Variants in INTS3 observed in about 807,000 individuals in gnomAD.
INTS3 encodes the protein SOSS complex subunit A.
A neutral mutation model predicts 146.3 loss-of-function variants in INTS3; 34 were observed. That is an observed-to-expected ratio of 0.23 (90% confidence interval 0.18 to 0.31). The LOEUF is 0.31. Among genes scored for constraint, INTS3 ranks in the 10% least tolerant of loss-of-function variants. The pLI is 1.00. For synonymous variants in INTS3, 475 were observed against 494.9 expected (o/e 0.96, Z 0.53); for missense variants, 757 against 1,304.2 (o/e 0.58, Z 6.46).
Position 153,740,675 on chromosome 1 carries a change from G to A in INTS3, c.175G>A (p.Val59Met). The change falls in exon 2 of 30, where the codon GTG (valine) becomes ATG (methionine). Residue 59 changes from valine to methionine, a missense_variant. Val to Met is a conservative substitution (Grantham distance 21). Around this residue, in one of 8 missense-constraint regions of INTS3, gnomAD observed 160 missense variants for 193.7 expected, o/e 0.83. Coordinates refer to ENST00000318967, the MANE Select transcript of INTS3 (RefSeq NM_023015.5). ...GAGATTGGAAAGGTGTATGAGCATT[G>A]TGACATCGATGACTGCTGGTGTCTC... Reference protein sequence around the residue: ...EERLERCMSIVTSMTAGVSER... With the variant: ...EERLERCMSIMTSMTAGVSER... The A allele has an allele frequency of 1.9e-6, 3 of 1,614,032 alleles. No individual in the cohort carries two copies. The highest frequency in any genetic ancestry group is 2.5e-6 in the Non-Finnish European group (3 of 1,179,956).
intron 1 of INTS3, 70 bp downstream of exon 1, chr1:153,728,854 G>T (rs200715394): frequency 4.0e-5 from 22 of 550,134 alleles, no homozygotes; most frequent in South Asian, 2.8e-4. Context: ...GATACCGGGT[G>T]GGAGGACGGG....
Position 153,774,326 on chromosome 1 carries a change from C to T in INTS3, c.*1056C>T, listed in dbSNP as rs1570892879. On this transcript the variant is annotated 3_prime_UTR_variant, in exon 30 of 30. Coordinates refer to ENST00000318967, the MANE Select transcript of INTS3 (RefSeq NM_023015.5). ...CCCCGTAGGATGAGGCCTGTCCTTA[C>T]TCATTTCTCAAGAAACAAGATGCTT... is the stretch of plus-strand genomic sequence containing the variant. 6.6e-6 allele frequency: 1 copy of T among 152,262 alleles called. No individual in the cohort carries two copies. Among genetic ancestry groups the T allele is most frequent in the South Asian group, 2.1e-4 (1 of 4,826 alleles). 9.4% of individuals were successfully genotyped at this position (152,262 alleles called of 1,614,324 possible). A position where few individuals can be genotyped will look rare whatever the true frequency, so the allele number is the denominator to read the frequency against.
At chr1:153,731,767 A>G (rs1201400969) in intron 1 of INTS3, among the ~76,000 whole-genome samples, 1 of 149,912 alleles carries the variant, frequency 6.7e-6, no homozygotes, top group Admixed American at 6.7e-5. Flanking sequence ...TTGCATTTTT[A>G]GTAGAGACAG....
chr1:153,728,505 CAG>C lies in INTS3; in HGVS notation c.-129_-128del. On this transcript the variant is annotated 5_prime_UTR_variant, in exon 1 of 30. Transcript: ENST00000318967. ...GGAGAGGAGGGAGGAGTGGAGAGGA[CAG>C]GGGCCCTTGCTCTCCCCTCCCCAAC... 8.8e-7 allele frequency: 1 copy of C among 1,134,490 alleles called. No individual in the cohort carries two copies. The allele number at this position is 1,134,490 out of a possible 1,614,324, so 70.3% of individuals were successfully genotyped here.
chr1:153,750,782 A>C (rs1203979655), intron 6 of INTS3: 4 of 372,364 alleles, frequency 1.1e-5, no homozygotes, highest in Non-Finnish European at 4.9e-6. Flanking sequence ...TAAATGTTTG[A>C]ATGAATGAGT....
chr1:153,736,761 CTTTTTTTTTT>C (rs5777880), intron 1 of INTS3, among the ~76,000 whole-genome samples: 1 of 94,060 alleles, frequency 1.1e-5, no homozygotes, highest in East Asian at 3.3e-4. Context: ...GTCTTTCATT[CTTTTTTTTTT>C]TTTTTTTTTT....
At chr1:153,762,679 T>C (rs1672429394) in intron 14 of INTS3, 49 bp from the exon 15 acceptor site, 1 of 1,608,952 alleles carries the variant, frequency 6.2e-7, no homozygotes, top group East Asian at 2.2e-5. Context: ...TGGGGCATGT[T>C]AGAGGACCCA....
At chr1:153,729,626 G>C in intron 1 of INTS3, among the ~76,000 whole-genome samples, 1 of 152,164 alleles carries the variant, frequency 6.6e-6, no homozygotes, top group Non-Finnish European at 1.5e-5. Context: ...CCAGCACTTT[G>C]AGAGACCGAG....
At chr1:153,755,686 G>A (rs1200924874) in intron 9 of INTS3, among the ~76,000 whole-genome samples, 2 of 152,204 alleles carry the variant, frequency 1.3e-5, no homozygotes, top group Non-Finnish European at 2.9e-5. Context: ...TCTACTGTGT[G>A]GTAGCCACCA....
At chr1:153,730,206 A>G (rs1671012185) in intron 1 of INTS3, among the ~76,000 whole-genome samples, 1 of 152,166 alleles carries the variant, frequency 6.6e-6, no homozygotes, top group Admixed American at 6.5e-5. Context: ...CCTTCCCGTC[A>G]TGCTTTTCCC....
intron 3 of INTS3, 133 bp downstream of exon 3, chr1:153,741,501 A>T (rs1359660258): frequency 3.1e-6 from 2 of 651,292 alleles, no homozygotes; most frequent in Non-Finnish European, 5.5e-6. Context: ...AAATATAGTT[A>T]CAAGTCCCTT....
At chr1:153,741,507 C>T in intron 3 of INTS3, 139 bp downstream of exon 3, 1 of 626,360 alleles carries the variant, frequency 1.6e-6, no homozygotes, top group Non-Finnish European at 2.9e-6. Context: ...AGTTACAAGT[C>T]CCTTTTTACT....
rs1673024930 is a variant in INTS3 at position 153,773,984 on chromosome 1, CTGTTTTTTTTTT to C, written c.*726_*737del. 6.2e-6 allele frequency: 1 copy of C among 162,520 alleles called. No individual in the cohort carries two copies. Among genetic ancestry groups the C allele is most frequent in the Non-Finnish European group, 1.5e-5 (1 of 66,976 alleles). The allele number at this position is 162,520 out of a possible 1,614,324, so 10.1% of individuals were successfully genotyped here. A position where few individuals can be genotyped will look rare whatever the true frequency, so the allele number is the denominator to read the frequency against. On this transcript the variant is annotated 3_prime_UTR_variant, in exon 30 of 30. Transcript: ENST00000318967. ...GTCAAATGATCCCATTTCCTTGAGTCTGTTTTTTTTTTTGTTTTTTTTTGTTTTTTTTTTGGC... is the reference window on the plus strand; with the variant it reads ...GTCAAATGATCCCATTTCCTTGAGTCTGTTTTTTTTTGTTTTTTTTTTGGC...
At chr1:153,731,912 T>TG (rs1274205269) in intron 1 of INTS3, among the ~76,000 whole-genome samples, 1 of 127,822 alleles carries the variant, frequency 7.8e-6, no homozygotes, top group Admixed American at 7.6e-5. Flanking sequence ...TTTTTTTTTT[T>TG]TTTTTTTTTT....
intron 6 of INTS3, among the ~76,000 whole-genome samples, chr1:153,750,182 G>A (rs1165877793): frequency 6.6e-6 from 1 of 152,212 alleles, no homozygotes; most frequent in Non-Finnish European, 1.5e-5. Context: ...TGGCCTGCTT[G>A]GACTAATTAA....
In INTS3 at chr1:153,773,470, GC is replaced by G; in HGVS notation, c.*202del. 4 of 618,596 alleles carry G rather than the reference GC, an allele frequency of 6.5e-6. No homozygotes were observed. Among genetic ancestry groups the G allele is most frequent in the Non-Finnish European group, 1.2e-5 (4 of 340,114 alleles). The allele number at this position is 618,596 out of a possible 1,614,324, so 38.3% of individuals were successfully genotyped here. ...CCCTAGCCCCTTCCCTCCTCCTGGG[GC>G]CTCCAGCCCCTCACACTGCTGTTCC... On this transcript the variant is annotated 3_prime_UTR_variant, in exon 30 of 30. Transcript: ENST00000318967.
At chr1:153,763,458 A>G in intron 16 of INTS3, 96 bp downstream of exon 16, 2 of 1,324,764 alleles carry the variant, frequency 1.5e-6, no homozygotes, top group East Asian at 2.3e-5. Context: ...GTTGGAGGCA[A>G]ACATGATAGG....
At chr1:153,767,647 C>A (rs765262221) in intron 20 of INTS3, 27 bp from the exon 21 acceptor site, 22 of 1,542,394 alleles carry the variant, frequency 1.4e-5, no homozygotes, top group Non-Finnish European at 1.8e-5. Context: ...GGTCAGGCTG[C>A]TGGCTCAGGC....
At chr1:153,756,155 C>T (rs1672153306) in intron 9 of INTS3, among the ~76,000 whole-genome samples, 1 of 151,986 alleles carries the variant, frequency 6.6e-6, no homozygotes, top group Admixed American at 6.5e-5. Flanking sequence ...CTGGTGGGAA[C>T]ACTTGAGGTC....
Sources: gnomAD v4.1 joint callset for allele counts (sites outside exome capture counted in the v4.1 genomes callset) on GRCh38, gnomAD v4.1.1 for gene constraint, gnomAD v4.1.1 regional missense constraint, MANE v1.5 for transcripts, NCBI Gene and HGNC (gene_info 2026-07-23, HGNC 2026-07-21) for gene names.